Variants in LTBP3 observed in about 807,000 individuals in gnomAD.
LTBP3 encodes the protein latent-transforming growth factor beta-binding protein 3.
LTBP3 carries 97 observed loss-of-function variants against 159.7 expected under a neutral mutation model. The observed-to-expected ratio is 0.61, with a 90% confidence interval of 0.52 to 0.72. The LOEUF (loss-of-function observed/expected upper bound fraction) is 0.72. LTBP3 is among the 30% of genes least tolerant of loss of function. The pLI is 0.00. For synonymous variants in LTBP3, 824 were observed against 777.1 expected, an observed-to-expected ratio of 1.06 and a Z score of -1.00; for missense variants, 1,584 against 1,864.3, an observed-to-expected ratio of 0.85 and a Z score of 2.77.
rs927707055 is a variant in LTBP3, at chr11:65,553,394, T to C, written c.970+31A>G. On this transcript the variant is annotated intron_variant, in intron 4 of 27. Coordinates refer to ENST00000301873, the MANE Select transcript of LTBP3 (RefSeq NM_001130144.3). The surrounding 1 kb of genome is among the most constrained non-coding windows in gnomAD (Gnocchi z 6.5). ...GGGTGGGTGGGGAGGGGCCACCAGA[T>C]AGGGAACGCCCCCTGAGCCCAAGCA... The C allele has an allele frequency of 3.8e-6, 6 of 1,581,672 alleles. No individual in the cohort carries two copies. In the Admixed American group the frequency reaches 8.4e-5, roughly 22 times the overall value.
Position 65,538,590 on chromosome 11 carries a change from C to A in LTBP3, c.*490G>T. On this transcript the variant is annotated 3_prime_UTR_variant, in exon 28 of 28. Coordinates refer to ENST00000301873, the MANE Select transcript of LTBP3 (RefSeq NM_001130144.3). ...GAACCGTGGCGGTGGCCCTTCCCGG[C>A]TGCGGAGAGCCCGCCCCACAGATGT... is the stretch of plus-strand genomic sequence containing the variant. 1 of 1,602,990 alleles carries A rather than the reference C, an allele frequency of 6.2e-7. No individual in the cohort carries two copies.
In LTBP3 at chr11:65,540,505, C is replaced by G; in HGVS notation, c.3087G>C (p.Gly1029=). 6.2e-7 allele frequency: 1 copy of G among 1,613,754 alleles called. No individual in the cohort carries two copies. Among genetic ancestry groups the G allele is most frequent in the Non-Finnish European group, 8.5e-7 (1 of 1,179,892 alleles). The change falls in exon 22 of 28, where the codon GGG becomes GGC. Residue 1029 remains glycine (G), a synonymous_variant. Coordinates refer to ENST00000301873, the MANE Select transcript of LTBP3 (RefSeq NM_001130144.3). ...CYCKQGFYYD[G]NLLECVDVDE... ...GCTCACCCACGCATTCCAGCAGGTT[C>G]CCGTCGTAGTAGAAGCCCTGCTTGC... is the stretch of plus-strand genomic sequence containing the variant.
chr11:65,558,146 G>C lies in LTBP3; in HGVS notation c.-187C>G. On this transcript the variant is annotated 5_prime_UTR_variant, in exon 1 of 28. Coordinates refer to ENST00000301873, the MANE Select transcript of LTBP3 (RefSeq NM_001130144.3). ...GGCGCGGAGATGCAGACTGGACAGC[G>C]GGGAGCGCAGAAACTTCCCAGCCCC... The C allele has an allele frequency of 9.3e-7, 1 of 1,077,484 alleles. No homozygotes were observed. Among genetic ancestry groups the C allele is most frequent in the South Asian group, 4.5e-5 (1 of 22,166 alleles). The allele number at this position is 1,077,484 out of a possible 1,614,324, so 66.7% of individuals were successfully genotyped here.
intron 1 of LTBP3, among the ~76,000 whole-genome samples, chr11:65,556,579 G>C (rs1039773183): frequency 6.6e-6 from 1 of 152,134 alleles, no homozygotes; most frequent in African/African-American, 2.4e-5. Flanking sequence ...AGCGACTAGA[G>C]ACACACACCC....
At position 65,552,569 on chromosome 11, in the gene LTBP3, T is replaced by C. The variant is rs772497951; in HGVS notation, c.1187-163A>G. On this transcript the variant is annotated intron_variant, in intron 6 of 27. Transcript: ENST00000301873. This position sits in a 1 kb window ranked among gnomAD's most constrained non-coding sequence, Gnocchi z 6.0. The stretch of plus-strand genomic sequence containing the variant: ...GAACTCATGTGACCCCTGAAACTTA[T>C]GTGACCACTGACCCCATTGACTCCC... Among the ~76,000 whole-genome samples, 5 of 152,172 alleles carry C rather than the reference T, an allele frequency of 3.3e-5. No individual in the cohort carries two copies. The highest frequency in any genetic ancestry group is 9.7e-5 in the African/African-American group (4 of 41,428).
At chr11:65,545,651 C>T (rs1856332308) in intron 16 of LTBP3, 1 of 230,188 alleles carries the variant, frequency 4.3e-6, no homozygotes, top group Non-Finnish European at 8.6e-6. Context: ...TCCTGTCCAC[C>T]ACTGTCTCCG....
At chr11:65,545,785 A>AG in intron 16 of LTBP3, 1 of 193,236 alleles carries the variant, frequency 5.2e-6, no homozygotes. Context: ...CTTCTGGGTG[A>AG]AGCACAACCT....
At position 65,553,669 on chromosome 11, in the gene LTBP3, G is replaced by A. The variant is rs746610218; in HGVS notation, c.864+32C>T. The A allele has an allele frequency of 1.9e-6, 3 of 1,556,676 alleles. No individual in the cohort carries two copies. Among genetic ancestry groups the A allele is most frequent in the Non-Finnish European group, 1.7e-6 (2 of 1,156,832 alleles). On this transcript the variant is annotated intron_variant, in intron 3 of 27. Transcript: ENST00000301873. The surrounding 1 kb of genome is among the most constrained non-coding windows in gnomAD (Gnocchi z 6.5). Reference sequence around the variant, plus strand: ...TGGGGCAGAGCAACCCTGAGAGAAGGAAAGGCAGATCCCGACTGTGGATTC... The same window carrying A: ...TGGGGCAGAGCAACCCTGAGAGAAGAAAAGGCAGATCCCGACTGTGGATTC...
chr11:65,539,665 C>G (rs1855974720), intron 25 of LTBP3, 37 bp from the exon 26 acceptor site: 2 of 1,587,276 alleles, frequency 1.3e-6, no homozygotes, highest in East Asian at 2.3e-5. Context: ...CGTCCGGGTC[C>G]CCGGGCCCTG....
intron 18 of LTBP3, chr11:65,542,392 T>TTTC (rs1438386367): frequency 1.3e-4 from 18 of 140,840 alleles, no homozygotes; most frequent in South Asian, 1.0e-3. Flanking sequence ...TTTTTTTTTT[T>TTTC]TTTTTTTTTT....
In LTBP3 at chr11:65,553,269, G is replaced by T; in HGVS notation, c.971-13C>A. ...TGCACTCCTGTGTCTGCAGAGAGAG[G>T]ATAGCTTGGCAGGGGAGGGTGAGGA... On this transcript the variant is annotated splice_polypyrimidine_tract_variant and intron_variant, in intron 4 of 27. Coordinates refer to ENST00000301873, the MANE Select transcript of LTBP3 (RefSeq NM_001130144.3). This position sits in a 1 kb window ranked among gnomAD's most constrained non-coding sequence, Gnocchi z 6.5. 1 of 1,610,226 alleles carries T rather than the reference G, an allele frequency of 6.2e-7. No individual in the cohort carries two copies. Among genetic ancestry groups the T allele is most frequent in the Non-Finnish European group, 8.5e-7 (1 of 1,176,808 alleles).
At position 65,541,146 on chromosome 11, in the gene LTBP3, G is replaced by A. The variant is rs762904522; in HGVS notation, c.2873C>T (p.Pro958Leu). The A allele has an allele frequency of 1.9e-6, 3 of 1,613,194 alleles. No homozygotes were observed. Among genetic ancestry groups the A allele is most frequent in the Non-Finnish European group, 2.5e-6 (3 of 1,179,986 alleles). Residue 958 changes from proline to leucine, a missense_variant, in exon 20 of 28, where the codon CCC (proline) becomes CTC (leucine). This residue lies in a region of LTBP3 where 565 missense variants were observed against 677.7 expected (regional missense o/e 0.83). Coordinates refer to ENST00000301873, the MANE Select transcript of LTBP3 (RefSeq NM_001130144.3). The part of the protein sequence containing the change: ...AGWGDHCEIY[P>L]CPVYSSAEFH... ...CTGACCTGAGCTGTAGACTGGGCAGGGGTAGATTTCGCAGTGGTCGCCCCA... is the reference window on the plus strand; with the variant it reads ...CTGACCTGAGCTGTAGACTGGGCAGAGGTAGATTTCGCAGTGGTCGCCCCA...
chr11:65,550,832 A>G (rs11227220), intron 11 of LTBP3, among the ~76,000 whole-genome samples: 1 of 152,170 alleles, frequency 6.6e-6, no homozygotes, highest in African/African-American at 2.4e-5. Context: ...CAAAAAAAAC[A>G]AAAAACAAAA....
At position 65,547,071 on chromosome 11, in the gene LTBP3, G is replaced by T; in HGVS notation, c.2108-151C>A. On this transcript the variant is annotated intron_variant, in intron 14 of 27. Coordinates refer to ENST00000301873, the MANE Select transcript of LTBP3 (RefSeq NM_001130144.3). This position sits in a 1 kb window ranked among gnomAD's most constrained non-coding sequence, Gnocchi z 4.6. ...GGCCCAGAGCCGAGCATACAGGCCG[G>T]GTGCGGTGGCACACGGCTGTAATCC... 4.3e-6 allele frequency: 5 copies of T among 1,160,826 alleles called. No individual in the cohort carries two copies. The highest frequency in any genetic ancestry group is 1.5e-5 in the African/African-American group (1 of 64,802). 71.9% of individuals were successfully genotyped at this position (1,160,826 alleles called of 1,614,324 possible).
rs200085450 is a variant in LTBP3, at chr11:65,548,072, A to G, written c.1721-27T>C. 1.9e-4 allele frequency: 310 copies of G among 1,613,420 alleles called. No homozygotes were observed. The Admixed American group carries it at 5.1e-3, about 27-fold the overall frequency. ...TGCGGGCATGGCCAGGTCAAGCGGC[A>G]GAGCAGGGAGCGCTCACCTTCTGCC... On this transcript the variant is annotated intron_variant, in intron 11 of 27. Coordinates refer to ENST00000301873, the MANE Select transcript of LTBP3 (RefSeq NM_001130144.3).
At chr11:65,539,286 C>T in intron 27 of LTBP3, 42 bp downstream of exon 27, 1 of 1,513,656 alleles carries the variant, frequency 6.6e-7, no homozygotes. Flanking sequence ...GGCTCCTCAC[C>T]ACCGGCCCCG....
At chr11:65,548,136 T>C in intron 11 of LTBP3, 91 bp from the exon 12 acceptor site, 1 of 1,582,404 alleles carries the variant, frequency 6.3e-7, no homozygotes, top group Non-Finnish European at 8.6e-7. Flanking sequence ...AGTCACACCA[T>C]GACCTCAGGT....
At chr11:65,551,739 T>A (rs1020865990) in intron 8 of LTBP3, 175 bp from the exon 9 acceptor site, 5 of 914,830 alleles carry the variant, frequency 5.5e-6, no homozygotes, top group Non-Finnish European at 8.7e-6. Context: ...AGTAGTCACA[T>A]GATCAGGTTG....
At position 65,541,681 on chromosome 11, in the gene LTBP3, C is replaced by A; in HGVS notation, c.2644G>T (p.Ala882Ser). 6.2e-7 allele frequency: 1 copy of A among 1,614,144 alleles called. No individual in the cohort carries two copies. The highest frequency in any genetic ancestry group is 2.2e-5 in the East Asian group (1 of 44,886). ...TAGGAGCCCTGAAGGTTCTTGCAGG[C>A]CCCATGGGGAAGGCACAGGCTCGGG... ...QDPSLCLPHG[A>S]CKNLQGSYVC... Residue 882 changes from alanine to serine, a missense_variant, in exon 19 of 28, where the codon GCC (alanine) becomes TCC (serine). Ala to Ser is a moderately conservative substitution (Grantham distance 99, BLOSUM62 1). Around this residue, in one of 6 missense-constraint regions of LTBP3, gnomAD observed 565 missense variants for 677.7 expected, o/e 0.83. Transcript: ENST00000301873.
Sources: gnomAD v4.1 joint callset for allele counts (sites outside exome capture counted in the v4.1 genomes callset) on GRCh38, gnomAD v4.1.1 for gene constraint, gnomAD v4.1.1 regional missense constraint, Gnocchi (gnomAD v3.1) non-coding constraint, MANE v1.5 for transcripts, NCBI Gene and HGNC (gene_info 2026-07-23, HGNC 2026-07-21) for gene names.